Variants in TRANK1 observed in about 807,000 individuals in gnomAD.
TRANK1 encodes the protein TPR and ankyrin repeat-containing protein 1.
A neutral mutation model predicts 266.0 loss-of-function variants in TRANK1; 198 were observed. That is an observed-to-expected ratio of 0.74 (90% CI 0.66 to 0.84). The LOEUF is 0.84. Ranked by LOEUF, TRANK1 falls within the 40% of genes least tolerant of loss-of-function variation. TRANK1 has a pLI of 0.00. For missense variants in TRANK1, 3,326 were observed against 3,634.6 expected, an observed-to-expected ratio of 0.92 and a Z score of 2.18; for synonymous variants, 1,396 against 1,384.1, an observed-to-expected ratio of 1.01 and a Z score of -0.19.
intron 21 of TRANK1, 105 bp from the exon 22 acceptor site, chr3:36,834,024 G>C (rs2078734822): frequency 8.6e-7 from 1 of 1,161,042 alleles, no homozygotes; most frequent in Non-Finnish European, 1.2e-6. Context: ...CCCACATGTA[G>C]ATATTACAAA....
chr3:36,908,596 C>G (rs2080007924), intron 1 of TRANK1, 142 bp from the exon 2 acceptor site: 3 of 1,230,338 alleles, frequency 2.4e-6, no homozygotes, highest in Admixed American at 4.2e-5. Context: ...GGCAACACCT[C>G]TCACCACCAG....
intron 8 of TRANK1, among the ~76,000 whole-genome samples, chr3:36,886,141 T>G (rs867764153): frequency 3.1e-4 from 45 of 146,940 alleles, no homozygotes; most frequent in Admixed American, 1.3e-3. Flanking sequence ...TTTTTTTTTT[T>G]TTTTTTTTTT....
chr3:36,854,777 T>C (rs1021150988), intron 13 of TRANK1, among the ~76,000 whole-genome samples: 4 of 152,004 alleles, frequency 2.6e-5, no homozygotes, highest in African/African-American at 7.3e-5. Context: ...TTTTTTTTTT[T>C]TCCTTCTCTT....
Position 36,833,489 on chromosome 3 carries a change from C to T in TRANK1, c.6094G>A (p.Ala2032Thr). 3 of 1,613,960 alleles carry T rather than the reference C, an allele frequency of 1.9e-6. No homozygotes were observed. Among genetic ancestry groups the T allele is most frequent in the South Asian group, 1.1e-5 (1 of 91,070 alleles). The change falls in exon 22 of 24, where the codon GCC becomes ACC. Residue 2032 changes from alanine (A) to threonine (T), a missense_variant. Coordinates refer to ENST00000645898, the MANE Select transcript of TRANK1 (RefSeq NM_001329998.2). ...AGGATTACCCCTTGCAGGAAGTGGG[C>T]CTCCGCAATGCCAGACAACTGGCCA... ...QTGQLSGIAE[A>T]HFLQGVILRD...
chr3:36,874,353 C>A lies in TRANK1; in HGVS notation c.908-57G>T, dbSNP rs2079355354. ...GTCATGGTTCCTTCCATAAGATGTCCCCATGAGTGCTCTTCTTCTCAGTCT... is the reference window on the plus strand; with the variant it reads ...GTCATGGTTCCTTCCATAAGATGTCACCATGAGTGCTCTTCTTCTCAGTCT... On this transcript the variant is annotated intron_variant, in intron 8 of 23. Coordinates refer to ENST00000645898, the MANE Select transcript of TRANK1 (RefSeq NM_001329998.2). 10 of 1,502,596 alleles carry A rather than the reference C, an allele frequency of 6.7e-6. No homozygotes were observed. The South Asian group carries it at 1.3e-4, about 19-fold the overall frequency. 93.1% of individuals were successfully genotyped at this position (1,502,596 alleles called of 1,614,324 possible).
In TRANK1 at chr3:36,874,035, T is replaced by C; in HGVS notation, c.1078+91A>G. ...CCATATATATATGTGTGTGTATATA[T>C]ATATATACCAAAAAGAGATAAACTG... On this transcript the variant is annotated intron_variant, in intron 9 of 23. Coordinates refer to ENST00000645898, the MANE Select transcript of TRANK1 (RefSeq NM_001329998.2). 8 of 1,183,992 alleles carry C rather than the reference T, an allele frequency of 6.8e-6. No individual in the cohort carries two copies. The South Asian group carries it at 1.3e-4, about 19-fold the overall frequency. 73.3% of individuals were successfully genotyped at this position (1,183,992 alleles called of 1,614,324 possible). A position where few individuals can be genotyped will look rare whatever the true frequency, so the allele number is the denominator to read the frequency against.
chr3:36,945,534 C>T (rs1033149388), upstream of TRANK1, among the ~76,000 whole-genome samples: 1 of 152,206 alleles, frequency 6.6e-6, no homozygotes, highest in Non-Finnish European at 1.5e-5. Context: ...CCGCGGGCTG[C>T]TCCACGCTCA....
At chr3:36,879,449 C>T (rs1471249960) in intron 8 of TRANK1, among the ~76,000 whole-genome samples, 1 of 150,086 alleles carries the variant, frequency 6.7e-6, no homozygotes, top group East Asian at 1.9e-4. Flanking sequence ...CTCCCAATAC[C>T]ATTTCAAAAT....
chr3:36,832,065 G>C lies in TRANK1; in HGVS notation c.7518C>G (p.Ile2506Met). 1 of 1,614,040 alleles carries C rather than the reference G, an allele frequency of 6.2e-7. No individual in the cohort carries two copies. The change falls in exon 22 of 24, where the codon ATC becomes ATG. Residue 2506 changes from isoleucine to methionine, a missense_variant. Transcript: ENST00000645898. ...CGTCCTTGGGTTTGTATTCCTGAAT[G>C]ATGGAGAACACATCCCCAAGCTCCT... Reference protein sequence around the residue: ...KDKELGDVFSIIQEYKPKDVT... With the variant: ...KDKELGDVFSMIQEYKPKDVT...
At chr3:36,915,389 G>A (rs2080110730) in intron 1 of TRANK1, among the ~76,000 whole-genome samples, 1 of 152,084 alleles carries the variant, frequency 6.6e-6, no homozygotes, top group African/African-American at 2.4e-5. Flanking sequence ...TCTTTGTGTT[G>A]GGAATGTTCA....
rs985476823 is a variant in TRANK1, at chr3:36,880,111, T to A, written c.908-5815A>T. 5 of 145,424 alleles carry A rather than the reference T, an allele frequency of 3.4e-5. 1 individual carries two copies. The highest frequency in any genetic ancestry group is 7.6e-5 in the Non-Finnish European group (5 of 66,096). 9.0% of individuals were successfully genotyped at this position (145,424 alleles called of 1,614,324 possible). Reference sequence around the variant, plus strand: ...ACATATATAAATATATATAAACATATATAAATATATATAAACATATAAATA... The same window carrying A: ...ACATATATAAATATATATAAACATAAATAAATATATATAAACATATAAATA... On this transcript the variant is annotated intron_variant, in intron 8 of 23. Coordinates refer to ENST00000645898, the MANE Select transcript of TRANK1 (RefSeq NM_001329998.2).
chr3:36,924,641 C>G (rs1042196456), intron 1 of TRANK1, among the ~76,000 whole-genome samples: 22 of 152,162 alleles, frequency 1.4e-4, no homozygotes, highest in African/African-American at 5.1e-4. Context: ...GACGCAGAGA[C>G]AAAAACCAGG....
intron 1 of TRANK1, among the ~76,000 whole-genome samples, chr3:36,936,383 G>A (rs1020548805): frequency 3.3e-5 from 5 of 151,928 alleles, no homozygotes; most frequent in Non-Finnish European, 7.4e-5. Flanking sequence ...TACTCAAGAG[G>A]CTTAGGTGAG....
At chr3:36,861,833 G>C (rs889135812) in intron 10 of TRANK1, among the ~76,000 whole-genome samples, 1 of 150,880 alleles carries the variant, frequency 6.6e-6, no homozygotes, top group Non-Finnish European at 1.5e-5. Flanking sequence ...AGCCTCCCGA[G>C]TAGCTGGGAC....
At chr3:36,838,294 T>C in intron 20 of TRANK1, 78 bp downstream of exon 20, 1 of 1,564,256 alleles carries the variant, frequency 6.4e-7, no homozygotes, top group Non-Finnish European at 8.7e-7. Context: ...CTGCTATGAG[T>C]AGAGGTCGAG....
At chr3:36,838,305 C>A in intron 20 of TRANK1, 67 bp downstream of exon 20, 1 of 1,590,322 alleles carries the variant, frequency 6.3e-7, no homozygotes, top group Non-Finnish European at 8.6e-7. Flanking sequence ...AGAGGTCGAG[C>A]CTACCCCTCA....
Position 36,874,265 on chromosome 3 carries a change from G to A in TRANK1, c.939C>T (p.Arg313=). Residue 313 remains arginine (R), a synonymous_variant, in exon 9 of 24, where the codon CGC becomes CGT. Coordinates refer to ENST00000645898, the MANE Select transcript of TRANK1 (RefSeq NM_001329998.2). ...CCAGCAAAGTGGGATCTGCCCCAAA[G>A]CGCAGGAGCATCTGCACATCCTCTG... is the stretch of plus-strand genomic sequence containing the variant. The part of the protein sequence containing the change: ...RQTEDVQMLL[R]FGADPTLLDR... The A allele has an allele frequency of 1.3e-6, 2 of 1,537,142 alleles. No homozygotes were observed. The highest frequency in any genetic ancestry group is 1.7e-6 in the Non-Finnish European group (2 of 1,146,886).
intron 1 of TRANK1, among the ~76,000 whole-genome samples, chr3:36,923,643 A>T (rs2080248339): frequency 6.6e-6 from 1 of 152,062 alleles, no homozygotes; most frequent in South Asian, 2.1e-4. Context: ...CTCTCTCTGG[A>T]CGGGAACTGT....
intron 1 of TRANK1, among the ~76,000 whole-genome samples, chr3:36,937,778 CAG>C (rs1213164867): frequency 1.3e-5 from 2 of 152,186 alleles, no homozygotes; most frequent in Non-Finnish European, 2.9e-5. Context: ...ATTGTTTATG[CAG>C]AGTGTCCCAG....
Sources: allele counts gnomAD v4.1 joint callset (sites outside exome capture counted in the v4.1 genomes callset), GRCh38; gene constraint gnomAD v4.1.1; transcripts MANE v1.5; gene names NCBI Gene and HGNC (gene_info 2026-07-23, HGNC 2026-07-21).